KIF16B: variants seen among roughly 807,000 people sequenced by gnomAD.
KIF16B encodes kinesin family member 16B.
Under a neutral mutation model 156.3 loss-of-function variants are expected in KIF16B, and 98 were observed. The ratio of observed to expected loss-of-function variants is 0.63; its 90% CI spans 0.53 to 0.74. The LOEUF is 0.74. Ranked by LOEUF, KIF16B falls within the 30% of genes least tolerant of loss-of-function variation. KIF16B has a pLI of 0.00. For missense variants in KIF16B, 1,421 were observed against 1,606.5 expected, an observed-to-expected ratio of 0.88 and a Z score of 1.97; for synonymous variants, 564 against 583.7, an observed-to-expected ratio of 0.97 and a Z score of 0.49.
chr20:16,286,770 C>T (rs920930795), intron 25 of KIF16B, among the ~76,000 whole-genome samples: 4 of 152,148 alleles, frequency 2.6e-5, no homozygotes, highest in African/African-American at 2.4e-5. Context: ...GACAGTGGTA[C>T]GTGTGATATT....
At chr20:16,432,600 A>G (rs1325582807) in intron 12 of KIF16B, among the ~76,000 whole-genome samples, 2 of 152,164 alleles carry the variant, frequency 1.3e-5, no homozygotes, top group Admixed American at 6.5e-5. Context: ...CAAACCCTGT[A>G]GACAAGGGAA....
intron 1 of KIF16B, among the ~76,000 whole-genome samples, chr20:16,571,280 C>T (rs1437153770): frequency 6.6e-6 from 1 of 152,216 alleles, no homozygotes; most frequent in Non-Finnish European, 1.5e-5. Context: ...CTGTAACTAT[C>T]CTGCCTTCCA....
chr20:16,337,135 C>T (rs1037957766), intron 23 of KIF16B, among the ~76,000 whole-genome samples: 4 of 152,208 alleles, frequency 2.6e-5, no homozygotes, highest in African/African-American at 9.6e-5. Flanking sequence ...GGTGTCTTCA[C>T]TCCTGCTGCA....
At chr20:16,366,831 G>A (rs2064677199) in intron 22 of KIF16B, 8 of 1,060,996 alleles carry the variant, frequency 7.5e-6, no homozygotes, top group African/African-American at 1.7e-5. Context: ...ACTATAAATC[G>A]ACACGAAAAC....
chr20:16,528,735 G>A (rs566537326), intron 1 of KIF16B, among the ~76,000 whole-genome samples: 40 of 152,182 alleles, frequency 2.6e-4, no homozygotes, highest in South Asian at 1.5e-3. Flanking sequence ...ACCACAAAGA[G>A]CTAAGACTCA....
intron 12 of KIF16B, among the ~76,000 whole-genome samples, chr20:16,468,952 T>A (rs2067576800): frequency 6.6e-6 from 1 of 152,054 alleles, no homozygotes; most frequent in South Asian, 2.1e-4. Context: ...CCATAAAACA[T>A]CTTAACAAAT....
chr20:16,364,108 T>A (rs2123221863), intron 22 of KIF16B, among the ~76,000 whole-genome samples: 1 of 152,328 alleles, frequency 6.6e-6, no homozygotes, highest in African/African-American at 2.4e-5. Flanking sequence ...TAATTACTAC[T>A]GCTGGAAGGC....
Position 16,332,408 on chromosome 20 carries a change from G to A in KIF16B, c.3711+3518C>T, listed in dbSNP as rs535991337. ...CACAAACAACAGCATGGCACACCTC[G>A]GGGTCTGTACCTTTCAACATGTGGT... On this transcript the variant is annotated intron_variant, in intron 24 of 25. Transcript: ENST00000354981. Among the ~76,000 whole-genome samples the A allele has an allele frequency of 2.6e-5, 4 of 152,246 alleles. No homozygotes were observed. In the South Asian group the frequency reaches 8.3e-4, roughly 32 times the overall value.
intron 25 of KIF16B, among the ~76,000 whole-genome samples, chr20:16,288,020 T>C (rs896356199): frequency 6.6e-6 from 1 of 152,214 alleles, no homozygotes; most frequent in African/African-American, 2.4e-5. Flanking sequence ...ATCTTTGACC[T>C]ACTGATACGT....
intron 25 of KIF16B, among the ~76,000 whole-genome samples, chr20:16,289,061 T>C (rs6080205): frequency 2.0e-5 from 3 of 151,966 alleles, no homozygotes; most frequent in Admixed American, 6.5e-5. Flanking sequence ...CCAAACATCA[T>C]GGCTTAGCCT....
chr20:16,369,464 T>TTA (rs67350383), intron 22 of KIF16B, among the ~76,000 whole-genome samples: 3 of 151,790 alleles, frequency 2.0e-5, no homozygotes, highest in Non-Finnish European at 4.4e-5. Flanking sequence ...ATTTTCCATA[T>TTA]TATATATATA....
chr20:16,406,562 T>C, intron 15 of KIF16B, 106 bp from the exon 16 acceptor site: 2 of 978,694 alleles, frequency 2.0e-6, no homozygotes, highest in Middle Eastern at 2.1e-4. Flanking sequence ...CAGTGTATTA[T>C]AAAATAATAA....
At chr20:16,325,899 T>C (rs1425733125) in intron 24 of KIF16B, among the ~76,000 whole-genome samples, 1 of 152,116 alleles carries the variant, frequency 6.6e-6, no homozygotes, top group Non-Finnish European at 1.5e-5. Context: ...CTTCAAACTA[T>C]ACTATAAGGC....
In KIF16B at chr20:16,277,664, A is replaced by C. The variant is rs1400091305; in HGVS notation, c.3796-4253T>G. 3.3e-5 allele frequency among the ~76,000 whole-genome samples: 5 copies of C among 152,074 alleles called. No individual in the cohort carries two copies. In the East Asian group the frequency reaches 9.6e-4, roughly 29 times the overall value. On this transcript the variant is annotated intron_variant, in intron 25 of 25. Transcript: ENST00000354981. ...TAGCCCTCCCAGGATGTGAAAAATC[A>C]GTCCAGGTGTCAAGCTGCATCTCCC...
chr20:16,420,989 G>A (rs532504377), intron 15 of KIF16B, among the ~76,000 whole-genome samples: 4 of 152,200 alleles, frequency 2.6e-5, no homozygotes, highest in African/African-American at 9.6e-5. Flanking sequence ...ATGAATTCGA[G>A]CACGAATGAT....
At chr20:16,501,952 T>C (rs2068638828) in intron 10 of KIF16B, among the ~76,000 whole-genome samples, 1 of 152,132 alleles carries the variant, frequency 6.6e-6, no homozygotes, top group Non-Finnish European at 1.5e-5. Flanking sequence ...ATTTAGCTTA[T>C]GAAAACTCAC....
intron 23 of KIF16B, among the ~76,000 whole-genome samples, chr20:16,343,443 T>C (rs2064176426): frequency 1.3e-5 from 2 of 152,226 alleles, no homozygotes. Flanking sequence ...CAGCTGCCTT[T>C]ACAGTTACTT....
intron 12 of KIF16B, among the ~76,000 whole-genome samples, chr20:16,479,019 C>T (rs1029610782): frequency 1.3e-5 from 2 of 152,084 alleles, no homozygotes; most frequent in Admixed American, 6.5e-5. Context: ...CATGGCAGCA[C>T]GATTTCTAAC....
At chr20:16,274,166 GT>G (rs1369869612) in intron 25 of KIF16B, among the ~76,000 whole-genome samples, 2 of 151,838 alleles carry the variant, frequency 1.3e-5, no homozygotes, top group African/African-American at 4.8e-5. Context: ...GTCAGTATCT[GT>G]TTTGAATCCT....
Sources: gnomAD v4.1 joint callset for allele counts (sites outside exome capture counted in the v4.1 genomes callset) on GRCh38, gnomAD v4.1.1 for gene constraint, MANE v1.5 for transcripts, NCBI Gene and HGNC (gene_info 2026-07-23, HGNC 2026-07-21) for gene names.